ACSBG1: variants seen among roughly 807,000 people sequenced by gnomAD.
The protein encoded by ACSBG1 is long-chain-fatty-acid--CoA ligase ACSBG1.
ACSBG1 carries 39 observed loss-of-function variants against 80.2 expected under a neutral mutation model. The ratio of observed to expected loss-of-function variants is 0.49; its 90% CI spans 0.38 to 0.64. The LOEUF is 0.64. ACSBG1 is among the 30% of genes least tolerant of loss of function. ACSBG1 has a pLI of 0.00. For missense variants in ACSBG1, 828 were observed against 966.4 expected, an observed-to-expected ratio of 0.86 and a Z score of 1.90; for synonymous variants, 392 against 379.5, an observed-to-expected ratio of 1.03 and a Z score of -0.38.
chr15:78,180,403 G>A (rs1027411501), intron 9 of ACSBG1, among the ~76,000 whole-genome samples: 1 of 152,212 alleles, frequency 6.6e-6, no homozygotes, highest in African/African-American at 2.4e-5. Context: ...ATGCTGAAAA[G>A]GCCGGAAAGG....
At chr15:78,217,696 A>T (rs1382997229) in intron 1 of ACSBG1, among the ~76,000 whole-genome samples, 1 of 151,820 alleles carries the variant, frequency 6.6e-6, no homozygotes, top group East Asian at 1.9e-4. Context: ...CTCCCCGAGT[A>T]GCTGGGATTA....
At position 78,193,548 on chromosome 15, in the gene ACSBG1, G is replaced by A; in HGVS notation, c.621C>T (p.Val207=). The change falls in exon 5 of 14, where the codon GTC becomes GTT. Residue 207 remains valine (V), a synonymous_variant. Coordinates refer to ENST00000258873, the MANE Select transcript of ACSBG1 (RefSeq NM_015162.5). ...GCTGCTTCTGCGTGTCGACCATGAT[G>A]ACATTGGCGCAGCAGTCATAAGCGA... is the stretch of plus-strand genomic sequence containing the variant. The part of the protein sequence containing the change: ...QYIAYDCCAN[V]IMVDTQKQLE... The A allele has an allele frequency of 6.2e-7, 1 of 1,613,360 alleles. No homozygotes were observed. Among genetic ancestry groups the A allele is most frequent in the South Asian group, 1.1e-5 (1 of 90,968 alleles).
At chr15:78,187,667 A>C (rs1166403890) in intron 5 of ACSBG1, among the ~76,000 whole-genome samples, 1 of 152,234 alleles carries the variant, frequency 6.6e-6, no homozygotes, top group African/African-American at 2.4e-5. Context: ...TATTGATGGG[A>C]TGTATCTCAA....
chr15:78,178,983 G>T lies in ACSBG1; in HGVS notation c.1485-152C>A. 1 of 697,762 alleles carries T rather than the reference G, an allele frequency of 1.4e-6. No individual in the cohort carries two copies. Among genetic ancestry groups the T allele is most frequent in the Non-Finnish European group, 2.3e-6 (1 of 427,586 alleles). The allele number at this position is 697,762 out of a possible 1,614,324, so 43.2% of individuals were successfully genotyped here. On this transcript the variant is annotated intron_variant, in intron 10 of 13. Transcript: ENST00000258873. This position sits in a 1 kb window ranked among gnomAD's most constrained non-coding sequence, Gnocchi z 4.3. The stretch of plus-strand genomic sequence containing the variant: ...GTATTTTTACAGGGGACTTACAGCT[G>T]AAAGGTAGAGCCAAGTAAAGGGTTT...
In ACSBG1 at chr15:78,207,985, A is replaced by AC. The variant is rs1243910250; in HGVS notation, c.232+16dup. On this transcript the variant is annotated intron_variant, in intron 2 of 13. Transcript: ENST00000258873. ...GTTTCCCGCCCTGCCCCACCCTACCACCCCCAGCTGGCTTACCTGGAGCAT... is the reference window on the plus strand; with the variant it reads ...GTTTCCCGCCCTGCCCCACCCTACCACCCCCCAGCTGGCTTACCTGGAGCAT... 5.8e-6 allele frequency: 5 copies of AC among 860,124 alleles called. No homozygotes were observed. In the Admixed American group the frequency reaches 1.1e-4, roughly 18 times the overall value. 53.3% of individuals were successfully genotyped at this position (860,124 alleles called of 1,614,324 possible).
rs564805116 is a variant in ACSBG1 at position 78,225,201 on chromosome 15, ACCAACCTGG to A, written c.131+9161_131+9169del. 3.4e-4 allele frequency among the ~76,000 whole-genome samples: 51 copies of A among 152,190 alleles called. No individual in the cohort carries two copies. The South Asian group carries it at 0.01, about 30-fold the overall frequency. On this transcript the variant is annotated intron_variant, in intron 1 of 13. Transcript: ENST00000258873. ...GATCACCTGAGGTCAGGAGTTTGAG[ACCAACCTGG>A]CCAACATGGTGAAACCCCATCTCTA... is the stretch of plus-strand genomic sequence containing the variant.
At chr15:78,223,517 C>G (rs1004873092) in intron 1 of ACSBG1, among the ~76,000 whole-genome samples, 2 of 152,124 alleles carry the variant, frequency 1.3e-5, no homozygotes, top group African/African-American at 4.8e-5. Context: ...TTTCAGGCAC[C>G]AGATGTGATA....
rs765463008 is a variant in ACSBG1, at chr15:78,180,802, C to T, written c.1206G>A (p.Leu402=). 2 of 1,614,248 alleles carry T rather than the reference C, an allele frequency of 1.2e-6. No homozygotes were observed. Among genetic ancestry groups the T allele is most frequent in the East Asian group, 2.2e-5 (1 of 44,892 alleles). Residue 402 remains leucine, a synonymous_variant, in exon 9 of 14, where the codon CTG becomes CTA. Transcript: ENST00000258873. The stretch of plus-strand genomic sequence containing the variant: ...GCTCCAAGGTCACCGACATGGCCCA[C>T]AGCAGCATCTTTCGCCGGATGAAGC... ...QSGFIRRKML[L]WAMSVTLEQN...
intron 1 of ACSBG1, among the ~76,000 whole-genome samples, chr15:78,209,412 A>G (rs2075248794): frequency 6.6e-6 from 1 of 151,412 alleles, no homozygotes; most frequent in Non-Finnish European, 1.5e-5. Context: ...ATGGCGACCC[A>G]CTCCAGGGAG....
intron 1 of ACSBG1, among the ~76,000 whole-genome samples, chr15:78,217,387 C>T (rs1363101953): frequency 6.6e-6 from 1 of 152,018 alleles, no homozygotes. Flanking sequence ...TATACTTGGG[C>T]AAGTGGGTTC....
intron 5 of ACSBG1, among the ~76,000 whole-genome samples, chr15:78,191,523 T>C (rs1250168830): frequency 6.6e-6 from 1 of 152,230 alleles, no homozygotes; most frequent in Non-Finnish European, 1.5e-5. Flanking sequence ...ACCTACTCTG[T>C]ACAAACAGAG....
chr15:78,176,963 A>C (rs2074888854), intron 11 of ACSBG1, among the ~76,000 whole-genome samples: 1 of 152,120 alleles, frequency 6.6e-6, no homozygotes, highest in Non-Finnish European at 1.5e-5. Flanking sequence ...TAAATAAATA[A>C]ATAGCACATT....
chr15:78,234,143 C>A lies in ACSBG1; in HGVS notation c.131+228G>T, dbSNP rs1283529855. Among the ~76,000 whole-genome samples the A allele has an allele frequency of 3.9e-5, 6 of 152,252 alleles. No homozygotes were observed. The South Asian group carries it at 8.3e-4, about 21-fold the overall frequency. Reference sequence around the variant, plus strand: ...TCTCCAACTGCAGCCCCAGCTCATACCCCTGGGATGTGCCTCATTCTTTGA... The same window carrying A: ...TCTCCAACTGCAGCCCCAGCTCATAACCCTGGGATGTGCCTCATTCTTTGA... On this transcript the variant is annotated intron_variant, in intron 1 of 13. Transcript: ENST00000258873.
intron 5 of ACSBG1, among the ~76,000 whole-genome samples, chr15:78,192,266 T>C (rs945323066): frequency 4.0e-5 from 6 of 151,830 alleles, no homozygotes; most frequent in African/African-American, 1.5e-4. Context: ...TACCAGCCCT[T>C]CCAGGTGACC....
rs2141325344 is a variant in ACSBG1, at chr15:78,178,916, G to T, written c.1485-85C>A. On this transcript the variant is annotated intron_variant, in intron 10 of 13. Transcript: ENST00000258873. The surrounding 1 kb of genome is among the most constrained non-coding windows in gnomAD (Gnocchi z 4.3). ...GGGGAGCCGGGGTCCCAACTGCTCGGTCTTCACTGATTGCTAGAAGGTATC... is the reference window on the plus strand; with the variant it reads ...GGGGAGCCGGGGTCCCAACTGCTCGTTCTTCACTGATTGCTAGAAGGTATC... The T allele has an allele frequency of 7.4e-7, 1 of 1,350,664 alleles. No individual in the cohort carries two copies. The highest frequency in any genetic ancestry group is 1.0e-6 in the Non-Finnish European group (1 of 1,002,616). The allele number at this position is 1,350,664 out of a possible 1,614,324, so 83.7% of individuals were successfully genotyped here.
chr15:78,215,975 T>C (rs1196980444), intron 1 of ACSBG1, among the ~76,000 whole-genome samples: 1 of 152,228 alleles, frequency 6.6e-6, no homozygotes, highest in African/African-American at 2.4e-5. Context: ...TCGCCTTCTC[T>C]GGGAGGGACC....
chr15:78,215,710 GAGAAAGAAAGAAAGAGAAAGAA>G (rs2075301869), intron 1 of ACSBG1, among the ~76,000 whole-genome samples: 2 of 113,512 alleles, frequency 1.8e-5, no homozygotes, highest in Admixed American at 9.9e-5. Context: ...GAAGGAAAGA[GAGAAAGAAAGAAAGAGAAAGAA>G]AGAAAGAAAG....
intron 1 of ACSBG1, among the ~76,000 whole-genome samples, chr15:78,229,322 T>C (rs560934658): frequency 1.3e-5 from 2 of 152,230 alleles, no homozygotes; most frequent in Non-Finnish European, 2.9e-5. Context: ...GAAACAACTG[T>C]GTTTTTTACA....
chr15:78,215,772 A>AAG (rs1187169359), intron 1 of ACSBG1, among the ~76,000 whole-genome samples: 1 of 149,042 alleles, frequency 6.7e-6, no homozygotes, highest in African/African-American at 2.5e-5. Flanking sequence ...GAAAGAAAGA[A>AAG]AGAAAGAAAG....
Sources: allele counts gnomAD v4.1 joint callset (sites outside exome capture counted in the v4.1 genomes callset), GRCh38; gene constraint gnomAD v4.1.1; non-coding constraint Gnocchi (gnomAD v3.1); transcripts MANE v1.5; gene names NCBI Gene and HGNC (gene_info 2026-07-23, HGNC 2026-07-21).